GPR158: variants seen among roughly 807,000 people sequenced by gnomAD.
GPR158 encodes the protein G protein-coupled receptor 158.
GPR158 carries 30 observed loss-of-function variants against 78.2 expected under a neutral mutation model. That is an observed-to-expected ratio of 0.38 (90% CI 0.29 to 0.52). GPR158 has a LOEUF of 0.52. Among genes scored for constraint, GPR158 ranks in the 20% least tolerant of loss-of-function variants. GPR158 has a pLI of 0.83. For missense variants in GPR158, 1,463 were observed against 1,523.5 expected (o/e 0.96, Z 0.66); for synonymous variants, 581 against 591.1 (o/e 0.98, Z 0.25).
intron 2 of GPR158, among the ~76,000 whole-genome samples, chr10:25,351,955 G>A (rs1308135511): frequency 3.3e-5 from 5 of 151,814 alleles, no homozygotes; most frequent in Non-Finnish European, 7.4e-5. Flanking sequence ...GTGTGTCCAT[G>A]TGTTCTCACC....
chr10:25,331,434 T>A (rs1272656992), intron 2 of GPR158, among the ~76,000 whole-genome samples: 1 of 152,220 alleles, frequency 6.6e-6, no homozygotes, highest in Non-Finnish European at 1.5e-5. Flanking sequence ...CTCTTTTCTA[T>A]AACTTAATGT....
At position 25,240,380 on chromosome 10, in the gene GPR158, A is replaced by G. The variant is rs1228792444; in HGVS notation, c.1008+19223A>G. ...AAAAATTAGCTAGGCATGGTGGTGC[A>G]CGCCTGTAATCCCAGCTACTTGGGA... On this transcript the variant is annotated intron_variant, in intron 2 of 10. Transcript: ENST00000376351. 2.0e-5 allele frequency among the ~76,000 whole-genome samples: 3 copies of G among 152,130 alleles called. No homozygotes were observed. The South Asian group carries it at 6.2e-4, about 31-fold the overall frequency.
chr10:25,292,656 A>G lies in GPR158; in HGVS notation c.1008+71499A>G, dbSNP rs551650709. On this transcript the variant is annotated intron_variant, in intron 2 of 10. Coordinates refer to ENST00000376351, the MANE Select transcript of GPR158 (RefSeq NM_020752.3). Reference sequence around the variant, plus strand: ...GAGCAAAAATAAATGAGGTCTTTAAAGATTAAAGATTTTAAAGATATAAGC... The same window carrying G: ...GAGCAAAAATAAATGAGGTCTTTAAGGATTAAAGATTTTAAAGATATAAGC... Among the ~76,000 whole-genome samples, 4 of 152,282 alleles carry G rather than the reference A, an allele frequency of 2.6e-5. No individual in the cohort carries two copies. The South Asian group carries it at 8.3e-4, about 32-fold the overall frequency.
At chr10:25,453,795 G>C (rs1008773069) in intron 4 of GPR158, among the ~76,000 whole-genome samples, 3 of 152,140 alleles carry the variant, frequency 2.0e-5, no homozygotes, top group Non-Finnish European at 2.9e-5. Flanking sequence ...TGCGTGTCTG[G>C]TTTTTATGCC....
At chr10:25,421,476 A>G (rs796393354) in intron 4 of GPR158, among the ~76,000 whole-genome samples, 18 of 152,282 alleles carry the variant, frequency 1.2e-4, no homozygotes, top group African/African-American at 4.1e-4. Flanking sequence ...TAGTCCACCT[A>G]TAGAGGTACT....
At chr10:25,251,410 G>A (rs1424377190) in intron 2 of GPR158, among the ~76,000 whole-genome samples, 4 of 151,756 alleles carry the variant, frequency 2.6e-5, no homozygotes, top group African/African-American at 4.9e-5. Flanking sequence ...TCCTAGTCTC[G>A]ATGGTCTTTA....
At chr10:25,561,833 A>G (rs1053251448) in intron 6 of GPR158, among the ~76,000 whole-genome samples, 4 of 152,142 alleles carry the variant, frequency 2.6e-5, no homozygotes, top group East Asian at 1.9e-4. Flanking sequence ...CGATTACACA[A>G]TGAACTCTGA....
chr10:25,204,818 G>GGTTTTTTTT (rs1483084808), intron 1 of GPR158, among the ~76,000 whole-genome samples: 1 of 118,966 alleles, frequency 8.4e-6, no homozygotes, highest in African/African-American at 3.4e-5. Flanking sequence ...GTCTCTGAGG[G>GGTTTTTTTT]TTTTTTTTTT....
At chr10:25,177,108 G>C (rs1439488147) in intron 1 of GPR158, among the ~76,000 whole-genome samples, 3 of 152,196 alleles carry the variant, frequency 2.0e-5, no homozygotes, top group Admixed American at 1.3e-4. Context: ...CGGGAGGGAG[G>C]CATCAGTTGT....
intron 2 of GPR158, among the ~76,000 whole-genome samples, chr10:25,281,008 G>T (rs557320323): frequency 1.3e-5 from 2 of 151,616 alleles, no homozygotes; most frequent in African/African-American, 4.8e-5. Flanking sequence ...GGTGGTATGC[G>T]CCTGTAATCT....
intron 1 of GPR158, among the ~76,000 whole-genome samples, chr10:25,219,387 C>T (rs1450640755): frequency 6.6e-6 from 1 of 152,172 alleles, no homozygotes; most frequent in Admixed American, 6.6e-5. Context: ...TGGATTAAGG[C>T]ATTAGGTTAC....
At chr10:25,330,775 ATTC>A (rs1855108284) in intron 2 of GPR158, among the ~76,000 whole-genome samples, 1 of 152,192 alleles carries the variant, frequency 6.6e-6, no homozygotes, top group South Asian at 2.1e-4. Flanking sequence ...AAAAAACACC[ATTC>A]TTTTAACTAC....
intron 2 of GPR158, among the ~76,000 whole-genome samples, chr10:25,372,555 G>T (rs1031807580): frequency 6.8e-6 from 1 of 147,384 alleles, no homozygotes; most frequent in Admixed American, 6.7e-5. Context: ...CATGTCCTTT[G>T]TAGGGACATG....
intron 2 of GPR158, among the ~76,000 whole-genome samples, chr10:25,268,726 A>G (rs1218514453): frequency 2.6e-5 from 4 of 152,290 alleles, no homozygotes; most frequent in African/African-American, 7.2e-5. Context: ...ATTGGGATAG[A>G]ATATAGAAGA....
Position 25,222,425 on chromosome 10 carries a change from C to T in GPR158, c.1008+1268C>T, listed in dbSNP as rs190926119. On this transcript the variant is annotated intron_variant, in intron 2 of 10. Coordinates refer to ENST00000376351, the MANE Select transcript of GPR158 (RefSeq NM_020752.3). The stretch of plus-strand genomic sequence containing the variant: ...CACTTCATCAATACATTCCCACAGC[C>T]CCCCCATTCCCTCACATCCACACAC... 1.6e-4 allele frequency among the ~76,000 whole-genome samples: 24 copies of T among 151,412 alleles called. No individual in the cohort carries two copies. The East Asian group carries it at 1.8e-3, about 11-fold the overall frequency.
chr10:25,188,343 A>G (rs1852718788), intron 1 of GPR158, among the ~76,000 whole-genome samples: 1 of 152,216 alleles, frequency 6.6e-6, no homozygotes, highest in Non-Finnish European at 1.5e-5. Context: ...CTAAGCCAAA[A>G]TAGCAAAGCT....
chr10:25,371,780 C>T (rs1267474139), intron 2 of GPR158, among the ~76,000 whole-genome samples: 1 of 134,618 alleles, frequency 7.4e-6, no homozygotes, highest in Non-Finnish European at 1.6e-5. Flanking sequence ...CATTACCATT[C>T]AGGACATAGG....
At chr10:25,447,138 C>T (rs999848285) in intron 4 of GPR158, among the ~76,000 whole-genome samples, 1 of 151,754 alleles carries the variant, frequency 6.6e-6, no homozygotes, top group Non-Finnish European at 1.5e-5. Context: ...TTGTTTATAC[C>T]TAAGGAGGAC....
At chr10:25,343,311 G>T (rs773360894) in intron 2 of GPR158, among the ~76,000 whole-genome samples, 1 of 151,870 alleles carries the variant, frequency 6.6e-6, no homozygotes, top group Non-Finnish European at 1.5e-5. Context: ...GACTAAAATC[G>T]GATAAGTTTC....
Sources: allele counts gnomAD v4.1 joint callset (sites outside exome capture counted in the v4.1 genomes callset), GRCh38; gene constraint gnomAD v4.1.1; transcripts MANE v1.5; gene names NCBI Gene and HGNC (gene_info 2026-07-23, HGNC 2026-07-21).